Variants in SLC25A21 observed in about 807,000 individuals in gnomAD.
The protein encoded by SLC25A21 is solute carrier family 25 member 21, also known as mitochondrial 2-oxodicarboxylate carrier.
A neutral mutation model predicts 43.8 loss-of-function variants in SLC25A21; 47 were observed. The ratio of observed to expected loss-of-function variants is 1.07; its 90% CI spans 0.85 to 1.37. SLC25A21 has a LOEUF of 1.37. Among genes scored for constraint, SLC25A21 ranks in the 40% most tolerant of loss-of-function variants. The pLI, the probability that SLC25A21 is intolerant of heterozygous loss-of-function variation, is 0.00. For synonymous variants in SLC25A21, 131 were observed against 121.3 expected (o/e 1.08, Z -0.52); for missense variants, 352 against 350.2 (o/e 1.00, Z -0.04).
chr14:37,039,706 C>T (rs1961403544), intron 1 of SLC25A21, among the ~76,000 whole-genome samples: 1 of 152,172 alleles, frequency 6.6e-6, no homozygotes. Context: ...TATACAGTCA[C>T]TAAAGGCTAT....
chr14:36,969,343 T>C (rs1479522519), intron 1 of SLC25A21, among the ~76,000 whole-genome samples: 2 of 152,146 alleles, frequency 1.3e-5, no homozygotes, highest in African/African-American at 4.8e-5. Flanking sequence ...CCATGGACTG[T>C]GGAAGACCTT....
chr14:36,867,938 A>G (rs1890259701), intron 2 of SLC25A21, among the ~76,000 whole-genome samples: 1 of 151,942 alleles, frequency 6.6e-6, no homozygotes, highest in Non-Finnish European at 1.5e-5. Context: ...TGAGTGGAGG[A>G]GTCAGGATTT....
chr14:36,751,138 T>A (rs571368934), intron 3 of SLC25A21, among the ~76,000 whole-genome samples: 66 of 152,314 alleles, frequency 4.3e-4, no homozygotes, highest in South Asian at 1.2e-3. Context: ...CAAAAGAGAT[T>A]AATATTTCAT....
chr14:36,971,723 C>A (rs1198667992), intron 1 of SLC25A21, among the ~76,000 whole-genome samples: 2 of 152,124 alleles, frequency 1.3e-5, no homozygotes, highest in East Asian at 1.9e-4. Flanking sequence ...TCCTAATCTT[C>A]TTGGCGCCAC....
intron 1 of SLC25A21, among the ~76,000 whole-genome samples, chr14:37,066,747 T>C (rs929178191): frequency 1.3e-5 from 2 of 152,074 alleles, no homozygotes; most frequent in African/African-American, 4.8e-5. Context: ...TTTAAAATTA[T>C]ATACACATGG....
intron 1 of SLC25A21, among the ~76,000 whole-genome samples, chr14:37,028,899 C>T (rs754367012): frequency 6.6e-6 from 1 of 152,162 alleles, no homozygotes; most frequent in Non-Finnish European, 1.5e-5. Flanking sequence ...GGACACATAA[C>T]ATGACATATT....
At chr14:37,107,532 A>G (rs1445023557) in intron 1 of SLC25A21, among the ~76,000 whole-genome samples, 1 of 152,116 alleles carries the variant, frequency 6.6e-6, no homozygotes. Flanking sequence ...TATTTTTAAA[A>G]AGCATTATCA....
intron 1 of SLC25A21, among the ~76,000 whole-genome samples, chr14:36,919,730 A>T (rs1891929968): frequency 1.3e-5 from 2 of 151,986 alleles, no homozygotes. Context: ...ATTACTCAAG[A>T]GGCTGAAGAA....
intron 1 of SLC25A21, among the ~76,000 whole-genome samples, chr14:36,904,434 G>A (rs1211108823): frequency 6.6e-6 from 1 of 152,146 alleles, no homozygotes; most frequent in Non-Finnish European, 1.5e-5. Context: ...AACTTAATAG[G>A]AGAAAGAGCC....
chr14:36,743,327 A>G (rs765778742), intron 3 of SLC25A21, among the ~76,000 whole-genome samples: 18 of 152,188 alleles, frequency 1.2e-4, no homozygotes, highest in Non-Finnish European at 2.1e-4. Flanking sequence ...TTTCAGTGAC[A>G]GCAGATCACT....
At chr14:36,826,168 A>G (rs1888825050) in intron 2 of SLC25A21, among the ~76,000 whole-genome samples, 1 of 152,170 alleles carries the variant, frequency 6.6e-6, no homozygotes, top group Non-Finnish European at 1.5e-5. Context: ...TCAAACATTA[A>G]TAACAGGCAA....
chr14:36,730,973 G>GTTTTT (rs869254850), intron 4 of SLC25A21, among the ~76,000 whole-genome samples: 2 of 80,104 alleles, frequency 2.5e-5, no homozygotes, highest in Non-Finnish European at 2.9e-5. Flanking sequence ...ATAATCTTAG[G>GTTTTT]TTTTTTTTTT....
At chr14:36,999,701 A>T (rs774578333) in intron 1 of SLC25A21, among the ~76,000 whole-genome samples, 16 of 151,990 alleles carry the variant, frequency 1.1e-4, no homozygotes, top group East Asian at 3.9e-4. Context: ...CTTTTTTTTT[A>T]AAAGCCTAAT....
chr14:37,057,087 C>G (rs749200081), intron 1 of SLC25A21, among the ~76,000 whole-genome samples: 4 of 152,164 alleles, frequency 2.6e-5, no homozygotes, highest in African/African-American at 7.2e-5. Flanking sequence ...TAAATTTTAA[C>G]CTTTATATCT....
At chr14:36,942,619 A>G (rs1892591151) in intron 1 of SLC25A21, among the ~76,000 whole-genome samples, 1 of 152,190 alleles carries the variant, frequency 6.6e-6, no homozygotes, top group African/African-American at 2.4e-5. Flanking sequence ...GGAGGGGTAG[A>G]AGTGGTGGAG....
At chr14:36,863,478 C>G (rs1374802779) in intron 2 of SLC25A21, among the ~76,000 whole-genome samples, 3 of 152,128 alleles carry the variant, frequency 2.0e-5, no homozygotes, top group Admixed American at 2.0e-4. Context: ...ATAGCTTGTT[C>G]CTCTAGGGGG....
At chr14:37,054,098 C>G (rs146903393) in intron 1 of SLC25A21, among the ~76,000 whole-genome samples, 6 of 152,170 alleles carry the variant, frequency 3.9e-5, no homozygotes, top group Non-Finnish European at 8.8e-5. Flanking sequence ...AAAGTAACAT[C>G]AAAGCCTAGG....
chr14:36,958,675 A>C (rs1959404638), intron 1 of SLC25A21, among the ~76,000 whole-genome samples: 1 of 101,054 alleles, frequency 9.9e-6, no homozygotes, highest in African/African-American at 4.8e-5. Context: ...ACATAAGCAC[A>C]CGTGCACACA....
intron 1 of SLC25A21, among the ~76,000 whole-genome samples, chr14:36,922,918 A>T (rs1163517818): frequency 1.3e-5 from 2 of 152,146 alleles, no homozygotes; most frequent in Non-Finnish European, 2.9e-5. Context: ...AACAAGTAAA[A>T]TTTACAATGC....
Sources: allele counts gnomAD v4.1 joint callset (sites outside exome capture counted in the v4.1 genomes callset), GRCh38; gene constraint gnomAD v4.1.1; transcripts MANE v1.5; gene names NCBI Gene and HGNC (gene_info 2026-07-23, HGNC 2026-07-21).